Variants in SEC31A observed in about 807,000 individuals in gnomAD.
SEC31A encodes protein transport protein Sec31A.
SEC31A carries 70 observed loss-of-function variants against 151.0 expected under a neutral mutation model. That is an observed-to-expected ratio of 0.46 (90% CI 0.38 to 0.57). SEC31A has a LOEUF of 0.57. Among genes scored for constraint, SEC31A ranks in the 20% least tolerant of loss-of-function variants. SEC31A has a pLI of 0.00. For missense variants in SEC31A, 1,330 were observed against 1,471.2 expected (o/e 0.90, Z 1.57); for synonymous variants, 475 against 505.9 (o/e 0.94, Z 0.82).
At chr4:82,833,184 A>G (rs1049710127) in intron 22 of SEC31A, among the ~76,000 whole-genome samples, 2 of 152,264 alleles carry the variant, frequency 1.3e-5, no homozygotes, top group African/African-American at 4.8e-5. Context: ...GACTGGATTA[A>G]GAAAATGTGG....
intron 22 of SEC31A, among the ~76,000 whole-genome samples, chr4:82,834,420 A>G (rs1400334923): frequency 6.6e-6 from 1 of 152,222 alleles, no homozygotes; most frequent in Non-Finnish European, 1.5e-5. Flanking sequence ...ACCAACTATT[A>G]GCAGCACAAA....
intron 1 of SEC31A, among the ~76,000 whole-genome samples, chr4:82,882,160 T>C (rs11099557): frequency 0.46 from 69,669 of 151,986 alleles, 18,799 homozygotes; most frequent in Admixed American, 0.6. Context: ...TCCCAGCACT[T>C]TGGGAGGCCA....
intron 1 of SEC31A, chr4:82,890,770 T>A (rs763974320): frequency 1.6e-4 from 205 of 1,243,258 alleles, no homozygotes; most frequent in Non-Finnish European, 1.9e-4. Context: ...CACAAGGGTC[T>A]GAAAGTCTCC....
At position 82,856,953 on chromosome 4, in the gene SEC31A, C is replaced by G; in HGVS notation, c.1880G>C (p.Arg627Thr). 1 of 1,604,390 alleles carries G rather than the reference C, an allele frequency of 6.2e-7. No individual in the cohort carries two copies. The highest frequency in any genetic ancestry group is 1.1e-5 in the South Asian group (1 of 89,366). ...YFAKSQSKIT[R>T]LITAVVMKNW... ...TTGCTTATTTTTAAAATAACATACC[C>G]TGGTAATTTTGCTTTGGGATTTTGC... The change falls in exon 16 of 27, where the codon AGG becomes ACG. Residue 627 changes from arginine to threonine, a missense_variant and splice_region_variant. Physicochemically the swap from Arg to Thr is moderately conservative, Grantham distance 71. Coordinates refer to ENST00000395310, the MANE Select transcript of SEC31A (RefSeq NM_001077207.4).
At chr4:82,884,769 T>G (rs1435850416) in intron 1 of SEC31A, among the ~76,000 whole-genome samples, 1 of 152,192 alleles carries the variant, frequency 6.6e-6, no homozygotes, top group Non-Finnish European at 1.5e-5. Context: ...TCTTGGGACC[T>G]AGAAAGAAGG....
chr4:82,849,631 A>AC (rs5859836), intron 19 of SEC31A, among the ~76,000 whole-genome samples: 3 of 150,920 alleles, frequency 2.0e-5, no homozygotes, highest in African/African-American at 7.3e-5. Context: ...AAAAAAAAAA[A>AC]CTATAACTAA....
At chr4:82,835,696 G>C (rs949801920) in intron 22 of SEC31A, among the ~76,000 whole-genome samples, 1 of 152,172 alleles carries the variant, frequency 6.6e-6, no homozygotes, top group Non-Finnish European at 1.5e-5. Context: ...TTGGGATGCT[G>C]AGGCATGAGA....
chr4:82,851,651 T>A, intron 18 of SEC31A, 47 bp from the exon 19 acceptor site: 1 of 1,489,076 alleles, frequency 6.7e-7, no homozygotes, highest in Non-Finnish European at 9.2e-7. Context: ...AGACCATGTA[T>A]GAGAGGAAGC....
intron 1 of SEC31A, among the ~76,000 whole-genome samples, chr4:82,882,875 T>C (rs1739702359): frequency 6.6e-6 from 1 of 152,210 alleles, no homozygotes; most frequent in South Asian, 2.1e-4. Flanking sequence ...CGCAGCACTT[T>C]GGGAGGACGA....
At chr4:82,871,309 C>A in intron 7 of SEC31A, 1 of 1,305,854 alleles carries the variant, frequency 7.7e-7, no homozygotes, top group South Asian at 1.6e-5. Context: ...ATTATACATG[C>A]ATACACACAC....
intron 2 of SEC31A, 47 bp downstream of exon 2, chr4:82,881,811 G>C: frequency 4.3e-6 from 6 of 1,411,750 alleles, no homozygotes; most frequent in Non-Finnish European, 6.0e-6. Context: ...AGGTGCAGAA[G>C]AGAAGAAATT....
rs149561040 is a variant in SEC31A at position 82,837,947 on chromosome 4, T to C, written c.2968+4193A>G. Among the ~76,000 whole-genome samples, 368 of 152,334 alleles carry C rather than the reference T, an allele frequency of 2.4e-3. 1 individual carries two copies. Among genetic ancestry groups the C allele is most frequent in the Middle Eastern group, 0.01 (3 of 294 alleles). On this transcript the variant is annotated intron_variant, in intron 22 of 26. Coordinates refer to ENST00000395310, the MANE Select transcript of SEC31A (RefSeq NM_001077207.4). ...GAGAATTGTGGCTAGAACATTAATT[T>C]GAAATAGAGAATAGAGCATCTTTGT...
chr4:82,853,727 A>G lies in SEC31A; in HGVS notation c.2009-12T>C, dbSNP rs759518904. Reference sequence around the variant, plus strand: ...GGTTCCCAAAAGATCTGTAAGTAAGAGGAAAATAAAATAAGATTATACCCA... The same window carrying G: ...GGTTCCCAAAAGATCTGTAAGTAAGGGGAAAATAAAATAAGATTATACCCA... On this transcript the variant is annotated splice_polypyrimidine_tract_variant and intron_variant, in intron 17 of 26. Transcript: ENST00000395310. The G allele has an allele frequency of 1.9e-6, 3 of 1,595,734 alleles. No homozygotes were observed. Among genetic ancestry groups the G allele is most frequent in the Non-Finnish European group, 2.6e-6 (3 of 1,174,336 alleles).
chr4:82,891,071 G>A lies in SEC31A; in HGVS notation c.-5+17C>T. The A allele has an allele frequency of 6.5e-7, 1 of 1,535,890 alleles. No individual in the cohort carries two copies. Among genetic ancestry groups the A allele is most frequent in the Non-Finnish European group, 8.7e-7 (1 of 1,146,752 alleles). ...TAAGGACCGGCGAAGAGGACAAAAA[G>A]CAACGGGCGGACGCACCTGGCGAGG... is the stretch of plus-strand genomic sequence containing the variant. On this transcript the variant is annotated intron_variant, in intron 1 of 26. Transcript: ENST00000395310.
intron 19 of SEC31A, among the ~76,000 whole-genome samples, chr4:82,849,623 A>AC (rs1475465642): frequency 1.3e-5 from 2 of 151,484 alleles, no homozygotes; most frequent in Non-Finnish European, 2.9e-5. Context: ...CAAAAAAAAA[A>AC]AAAAAAAACT....
intron 1 of SEC31A, 129 bp from the exon 2 acceptor site, chr4:82,882,069 T>A (rs546219382): frequency 8.8e-5 from 64 of 727,744 alleles, no homozygotes; most frequent in Non-Finnish European, 1.3e-4. Context: ...TGCAAATAAA[T>A]CAAATCGGTT....
At chr4:82,844,117 G>A (rs1455773324) in intron 21 of SEC31A, 2 of 391,648 alleles carry the variant, frequency 5.1e-6, no homozygotes, top group Non-Finnish European at 9.0e-6. Flanking sequence ...CCAAAATCAT[G>A]GGACACTTGA....
chr4:82,871,350 T>C, intron 7 of SEC31A: 1 of 1,517,050 alleles, frequency 6.6e-7, no homozygotes, highest in East Asian at 2.5e-5. Flanking sequence ...GTAACGTAGG[T>C]ACAGTAAAAT....
In SEC31A at chr4:82,862,807, A is replaced by G. The variant is rs139300067; in HGVS notation, c.1510-235T>C. ...TTCTATTTCCTCATTTTTTGCCATC[A>G]GGCATGCAAGTAAAACTTTCATATC... On this transcript the variant is annotated intron_variant, in intron 12 of 26. Transcript: ENST00000395310. 3.7e-3 allele frequency among the ~76,000 whole-genome samples: 571 copies of G among 152,352 alleles called. 9 individuals carry two copies. The highest frequency in any genetic ancestry group is 0.012 in the African/African-American group (519 of 41,598).
Sources: gnomAD v4.1 joint callset for allele counts (sites outside exome capture counted in the v4.1 genomes callset) on GRCh38, gnomAD v4.1.1 for gene constraint, MANE v1.5 for transcripts, NCBI Gene and HGNC (gene_info 2026-07-23, HGNC 2026-07-21) for gene names.